Variants in PARP16 observed in about 807,000 individuals in gnomAD.
The protein encoded by PARP16 is poly(ADP-ribose) polymerase family member 16.
PARP16 carries 31 observed loss-of-function variants against 35.0 expected under a neutral mutation model. The ratio of observed to expected loss-of-function variants is 0.88; its 90% confidence interval spans 0.66 to 1.19. The LOEUF is 1.19. Ranked by LOEUF, PARP16 falls within the 50% of genes most tolerant of loss-of-function variation. The pLI is 0.00. For synonymous variants in PARP16, 162 were observed against 169.5 expected (o/e 0.96, Z 0.34); for missense variants, 424 against 411.2 (o/e 1.03, Z -0.27).
At position 65,266,635 on chromosome 15, in the gene PARP16, T is replaced by G. The variant is rs1181295846; in HGVS notation, c.446A>C (p.Tyr149Ser). ...TTCTAGGCGGCTACCATGAAATGCATAGATTAGGTCTCGTTCTCCTTTGGT... is the reference window on the plus strand; with the variant it reads ...TTCTAGGCGGCTACCATGAAATGCAGAGATTAGGTCTCGTTCTCCTTTGGT... ...YETKGERDLI[Y>S]AFHGSRLENF... is the part of the protein sequence containing the mutation. Residue 149 changes from tyrosine (Y) to serine (S), a missense_variant, in exon 3 of 6, where the codon TAT (tyrosine) becomes TCT (serine). Coordinates refer to ENST00000649807, the MANE Select transcript of PARP16 (RefSeq NM_001316943.2). The G allele has an allele frequency of 1.2e-6, 2 of 1,614,120 alleles. No individual in the cohort carries two copies. Among genetic ancestry groups the G allele is most frequent in the East Asian group, 4.5e-5 (2 of 44,884 alleles).
At chr15:65,268,499 G>A (rs1395927034) in intron 2 of PARP16, among the ~76,000 whole-genome samples, 1 of 152,216 alleles carries the variant, frequency 6.6e-6, no homozygotes, top group Non-Finnish European at 1.5e-5. Flanking sequence ...AGGCTGGAGT[G>A]CAGTGGTGTG....
At chr15:65,280,232 T>C (rs766564514) in intron 1 of PARP16, among the ~76,000 whole-genome samples, 11 of 150,108 alleles carry the variant, frequency 7.3e-5, no homozygotes, top group Non-Finnish European at 1.0e-4. Context: ...ACTCCAGGAG[T>C]TTGAGACCAG....
At chr15:65,267,587 AC>A (rs200287915) in intron 2 of PARP16, among the ~76,000 whole-genome samples, 37,428 of 146,420 alleles carry the variant, frequency 0.26, 5,176 homozygotes, top group African/African-American at 0.34. Context: ...AGCCTGGGCG[AC>A]AGAGCGAGAC....
chr15:65,276,018 A>AG (rs1225413671), intron 1 of PARP16, among the ~76,000 whole-genome samples: 2 of 152,170 alleles, frequency 1.3e-5, no homozygotes, highest in Non-Finnish European at 2.9e-5. Context: ...GTCTGGACAA[A>AG]GGGGAGAGAT....
At chr15:65,264,862 G>A (rs1380421766) in intron 3 of PARP16, among the ~76,000 whole-genome samples, 1 of 152,196 alleles carries the variant, frequency 6.6e-6, no homozygotes, top group Admixed American at 6.5e-5. Flanking sequence ...GGATTGATGT[G>A]CTTTACCAAA....
At chr15:65,259,645 C>A in intron 5 of PARP16, 103 bp from the exon 6 acceptor site, 1 of 1,114,314 alleles carries the variant, frequency 9.0e-7, no homozygotes, top group Non-Finnish European at 1.3e-6. Context: ...TGATGAATTT[C>A]ATCCTTTGCC....
intron 2 of PARP16, among the ~76,000 whole-genome samples, chr15:65,248,655 C>G (rs147263938): frequency 6.6e-6 from 1 of 152,306 alleles, no homozygotes; most frequent in African/African-American, 2.4e-5. Context: ...CCAAAACAGA[C>G]TGGGAGTGAG....
chr15:65,285,559 G>T, intron 1 of PARP16: 1 of 364,910 alleles, frequency 2.7e-6, no homozygotes, highest in South Asian at 2.4e-5. Flanking sequence ...AAGGGAGACT[G>T]CCACACTTGA....
intron 2 of PARP16, among the ~76,000 whole-genome samples, chr15:65,251,369 C>T (rs1004557392): frequency 6.6e-6 from 1 of 152,140 alleles, no homozygotes; most frequent in African/African-American, 2.4e-5. Flanking sequence ...GATCTACCCA[C>T]GTTTATTCCC....
chr15:65,263,335 C>A lies in PARP16; in HGVS notation c.520-15G>T. On this transcript the variant is annotated splice_polypyrimidine_tract_variant and intron_variant, in intron 3 of 5. Transcript: ENST00000649807. The stretch of plus-strand genomic sequence containing the variant: ...AACAAGGATGTCTGCAACAGCAAGG[C>A]CAATGGAAAAGAAACACAGATGGTT... 1.3e-6 allele frequency: 2 copies of A among 1,553,598 alleles called. No homozygotes were observed. Among genetic ancestry groups the A allele is most frequent in the South Asian group, 1.2e-5 (1 of 82,124 alleles).
downstream of PARP16, among the ~76,000 whole-genome samples, chr15:65,232,190 G>T (rs1051183950): frequency 6.6e-6 from 1 of 152,122 alleles, no homozygotes; most frequent in Non-Finnish European, 1.5e-5. Flanking sequence ...ATTAAGATAG[G>T]CATTTTTCTT....
intron 4 of PARP16, among the ~76,000 whole-genome samples, chr15:65,262,163 C>A (rs910302560): frequency 6.9e-6 from 1 of 144,966 alleles, no homozygotes; most frequent in African/African-American, 2.6e-5. Flanking sequence ...GATGGAGTCT[C>A]GCTCTGTTGC....
chr15:65,261,525 G>C (rs1009837114), intron 4 of PARP16, among the ~76,000 whole-genome samples: 1 of 148,378 alleles, frequency 6.7e-6, no homozygotes, highest in Admixed American at 6.8e-5. Flanking sequence ...GCGCAGTTTT[G>C]GCTTACTACA....
chr15:65,235,111 G>A (rs1442796693), intron 3 of PARP16, among the ~76,000 whole-genome samples: 4 of 151,946 alleles, frequency 2.6e-5, no homozygotes, highest in Non-Finnish European at 4.4e-5. Flanking sequence ...AAAACTGCAC[G>A]TTGTGCAAAC....
chr15:65,274,171 T>C (rs1008106482), intron 1 of PARP16, among the ~76,000 whole-genome samples: 4 of 151,558 alleles, frequency 2.6e-5, no homozygotes, highest in African/African-American at 9.7e-5. Context: ...CTCAAACTCA[T>C]GAACTCAAGT....
chr15:65,259,605 TACA>T (rs761347930), intron 5 of PARP16, 63 bp from the exon 6 acceptor site: 16 of 1,487,070 alleles, frequency 1.1e-5, no homozygotes, highest in Non-Finnish European at 1.5e-5. Context: ...TTTAAGTGTG[TACA>T]ACAAGTCTGG....
At chr15:65,271,466 G>T (rs1041241862) in intron 1 of PARP16, among the ~76,000 whole-genome samples, 1 of 151,994 alleles carries the variant, frequency 6.6e-6, no homozygotes, top group Non-Finnish European at 1.5e-5. Context: ...GTAGAGATGG[G>T]GTTTCACCAT....
At chr15:65,277,146 A>G (rs976889763) in intron 1 of PARP16, among the ~76,000 whole-genome samples, 3 of 151,416 alleles carry the variant, frequency 2.0e-5, no homozygotes, top group Non-Finnish European at 4.4e-5. Context: ...CTCCCTCCCC[A>G]CCCCCAATGC....
At chr15:65,270,113 T>C (rs2090045691) in intron 2 of PARP16, among the ~76,000 whole-genome samples, 1 of 152,202 alleles carries the variant, frequency 6.6e-6, no homozygotes, top group Admixed American at 6.5e-5. Flanking sequence ...TGGCAGGAGC[T>C]TGTAAAATTG....
Sources: allele counts gnomAD v4.1 joint callset (sites outside exome capture counted in the v4.1 genomes callset), GRCh38; gene constraint gnomAD v4.1.1; transcripts MANE v1.5; gene names NCBI Gene and HGNC (gene_info 2026-07-23, HGNC 2026-07-21).